MAST2: variants seen among roughly 807,000 people sequenced by gnomAD.
MAST2 encodes microtubule-associated serine/threonine-protein kinase 2.
Under a neutral mutation model 147.4 loss-of-function variants are expected in MAST2, and 70 were observed. That is an observed-to-expected ratio of 0.47 (90% CI 0.39 to 0.58). The LOEUF (loss-of-function observed/expected upper bound fraction) is 0.58. Among genes scored for constraint, MAST2 ranks in the 20% least tolerant of loss-of-function variants. The pLI is 0.00. For synonymous variants in MAST2, 869 were observed against 896.8 expected, an observed-to-expected ratio of 0.97 and a Z score of 0.55; for missense variants, 2,080 against 2,302.3, an observed-to-expected ratio of 0.90 and a Z score of 1.98.
At chr1:45,968,851 C>T (rs1342653992) in intron 5 of MAST2, among the ~76,000 whole-genome samples, 1 of 148,956 alleles carries the variant, frequency 6.7e-6, no homozygotes, top group Non-Finnish European at 1.5e-5. Flanking sequence ...GTAATTGTCT[C>T]ACAGTTCTCG....
intron 1 of MAST2, among the ~76,000 whole-genome samples, chr1:45,806,219 A>C (rs1205313552): frequency 6.6e-6 from 1 of 152,264 alleles, no homozygotes; most frequent in Non-Finnish European, 1.5e-5. Flanking sequence ...CACCTCTGTC[A>C]CTATAGATTT....
intron 5 of MAST2, among the ~76,000 whole-genome samples, chr1:45,986,739 A>G (rs1239436650): frequency 6.8e-6 from 1 of 146,882 alleles, no homozygotes; most frequent in Non-Finnish European, 1.5e-5. Flanking sequence ...AAAAAAAAAG[A>G]ATATTCTTTT....
At chr1:45,819,254 A>C (rs1265200661) in intron 1 of MAST2, among the ~76,000 whole-genome samples, 1 of 54,928 alleles carries the variant, frequency 1.8e-5, no homozygotes, top group Non-Finnish European at 4.8e-5. Flanking sequence ...GTCTGTCTCA[A>C]AAAAAAAAAA....
chr1:46,008,051 G>A (rs1417024003), intron 8 of MAST2, among the ~76,000 whole-genome samples: 2 of 152,056 alleles, frequency 1.3e-5, no homozygotes, highest in Non-Finnish European at 2.9e-5. Context: ...TCCCTTTCTA[G>A]GTCTTTCTAG....
chr1:45,818,168 T>G (rs768035654), intron 1 of MAST2, among the ~76,000 whole-genome samples: 13 of 152,212 alleles, frequency 8.5e-5, no homozygotes, highest in South Asian at 2.1e-4. Flanking sequence ...GGGTCCTTTT[T>G]GTTGACCAAT....
At chr1:45,987,776 G>GTTTTT (rs1644692974) in intron 5 of MAST2, among the ~76,000 whole-genome samples, 20 of 30,696 alleles carry the variant, frequency 6.5e-4, no homozygotes, top group African/African-American at 1.4e-3. Flanking sequence ...TTTTTTTTTT[G>GTTTTT]ATTTTTTTTT....
At chr1:46,006,528 T>G in intron 8 of MAST2, 133 bp downstream of exon 8, 1 of 681,276 alleles carries the variant, frequency 1.5e-6, no homozygotes, top group Non-Finnish European at 2.2e-6. Context: ...CATATATCTC[T>G]GTCACATTCC....
intron 4 of MAST2, among the ~76,000 whole-genome samples, chr1:45,950,351 C>CA (rs1289794087): frequency 6.6e-6 from 1 of 152,080 alleles, no homozygotes; most frequent in Non-Finnish European, 1.5e-5. Context: ...TTAGAATGGA[C>CA]ACCCCCTACA....
intron 4 of MAST2, among the ~76,000 whole-genome samples, chr1:45,883,670 A>G (rs547893827): frequency 5.3e-5 from 8 of 151,918 alleles, no homozygotes; most frequent in African/African-American, 7.3e-5. Context: ...AGAATTCTTA[A>G]TGGGTTAAAT....
chr1:46,031,421 A>C lies in MAST2; in HGVS notation c.3023A>C (p.Gln1008Pro). The change falls in exon 24 of 29, where the codon CAG becomes CCG. Residue 1008 changes from glutamine to proline, a missense_variant. Physicochemically the swap from Gln to Pro is moderately conservative, Grantham distance 76. Coordinates refer to ENST00000361297, the MANE Select transcript of MAST2 (RefSeq NM_015112.3). The surrounding 1 kb of genome is among the most constrained non-coding windows in gnomAD (Gnocchi z 4.1). ...GAGACCCGAGGCCGTGGGACCTCAC[A>C]GCTGGCTGAGGGAGCCACAGCCAAG... is the stretch of plus-strand genomic sequence containing the variant. Reference protein sequence around the residue: ...AMETRGRGTSQLAEGATAKAI... With the variant: ...AMETRGRGTSPLAEGATAKAI... The C allele has an allele frequency of 6.2e-7, 1 of 1,613,880 alleles. No individual in the cohort carries two copies. The highest frequency in any genetic ancestry group is 8.5e-7 in the Non-Finnish European group (1 of 1,179,846).
At chr1:45,884,679 A>G (rs902489455) in intron 4 of MAST2, among the ~76,000 whole-genome samples, 3 of 152,248 alleles carry the variant, frequency 2.0e-5, no homozygotes, top group African/African-American at 7.2e-5. Context: ...AGTAAGCCAG[A>G]AGTTCTTCAG....
intron 10 of MAST2, among the ~76,000 whole-genome samples, chr1:46,011,589 C>G (rs1030185175): frequency 6.6e-6 from 1 of 152,216 alleles, no homozygotes; most frequent in African/African-American, 2.4e-5. Flanking sequence ...CCATCTCACT[C>G]AGACCACAGC....
intron 4 of MAST2, among the ~76,000 whole-genome samples, chr1:45,922,524 G>A (rs1384258801): frequency 1.3e-5 from 2 of 152,206 alleles, no homozygotes; most frequent in African/African-American, 2.4e-5. Context: ...GCACTACCCC[G>A]AGCATGTGCA....
At chr1:45,843,128 T>C (rs1645327158) in intron 3 of MAST2, among the ~76,000 whole-genome samples, 1 of 152,114 alleles carries the variant, frequency 6.6e-6, no homozygotes, top group African/African-American at 2.4e-5. Flanking sequence ...GCCCATTTTT[T>C]TTAATTGAAT....
intron 15 of MAST2, 87 bp from the exon 16 acceptor site, chr1:46,025,590 T>A: frequency 6.6e-7 from 1 of 1,525,656 alleles, no homozygotes; most frequent in Non-Finnish European, 9.0e-7. Context: ...CTGTCTCCTC[T>A]GGGACCTCAG....
chr1:45,847,172 C>G (rs1395993856), intron 3 of MAST2: 1 of 521,288 alleles, frequency 1.9e-6, no homozygotes, highest in East Asian at 5.4e-5. Flanking sequence ...AGTCCCATTC[C>G]CTAAATGTTT....
intron 5 of MAST2, among the ~76,000 whole-genome samples, chr1:45,984,416 C>T (rs995319526): frequency 3.3e-5 from 5 of 151,640 alleles, no homozygotes; most frequent in South Asian, 2.1e-4. Context: ...TGATCTTCCA[C>T]CTCAGCCTCC....
At chr1:45,885,936 T>C (rs1368956555) in intron 4 of MAST2, among the ~76,000 whole-genome samples, 7 of 152,104 alleles carry the variant, frequency 4.6e-5, no homozygotes, top group Admixed American at 4.6e-4. Context: ...TGTGTGTTTC[T>C]GTGGGGGTGA....
chr1:45,950,449 T>TG (rs1489538269), intron 4 of MAST2, among the ~76,000 whole-genome samples: 1 of 152,226 alleles, frequency 6.6e-6, no homozygotes, highest in Non-Finnish European at 1.5e-5. Context: ...AGAACTTTCT[T>TG]AATCTCATCT....
Sources: gnomAD v4.1 joint callset for allele counts (sites outside exome capture counted in the v4.1 genomes callset) on GRCh38, gnomAD v4.1.1 for gene constraint, Gnocchi (gnomAD v3.1) non-coding constraint, MANE v1.5 for transcripts, NCBI Gene and HGNC (gene_info 2026-07-23, HGNC 2026-07-21) for gene names.